BCL11A: variants seen among roughly 807,000 people sequenced by gnomAD.
The protein encoded by BCL11A is B cell CLL/lymphoma 11A.
In BCL11A, 2 loss-of-function variants were observed where a neutral mutation model predicts 55.9. The observed-to-expected ratio is 0.04, with a 90% CI of 0.01 to 0.11. BCL11A has a LOEUF of 0.11. BCL11A is among the 10% of genes least tolerant of loss of function. BCL11A has a pLI of 1.00. For synonymous variants in BCL11A, 465 were observed against 473.4 expected, an observed-to-expected ratio of 0.98 and a Z score of 0.23; for missense variants, 817 against 1,137.1, an observed-to-expected ratio of 0.72 and a Z score of 4.05.
chr2:60,468,568 G>A (rs1425799556), intron 3 of BCL11A, among the ~76,000 whole-genome samples, 164 bp downstream of exon 3: 3 of 152,200 alleles, frequency 2.0e-5, no homozygotes, highest in African/African-American at 7.2e-5. Flanking sequence ...GTCCCTCTGG[G>A]GCTGAGTGGA....
At chr2:60,516,540 T>A (rs1510481) in intron 2 of BCL11A, among the ~76,000 whole-genome samples, 57,861 of 152,078 alleles carry the variant, frequency 0.38, 11,688 homozygotes, top group African/African-American at 0.45. Flanking sequence ...AGATCGTAAC[T>A]CACCGTCATC....
At chr2:60,454,642 G>A (rs1675864094), downstream of BCL11A, among the ~76,000 whole-genome samples, 1 of 152,126 alleles carries the variant, frequency 6.6e-6, no homozygotes, top group African/African-American at 2.4e-5. Context: ...TCCTCCCTCA[G>A]TCTCTGTGAG....
chr2:60,495,727 C>G, intron 2 of BCL11A: 1 of 152,196 alleles, frequency 6.6e-6, no homozygotes, highest in South Asian at 2.1e-4. Context: ...TCAAAATATT[C>G]TCAATGGGCC....
At chr2:60,518,766 G>A (rs969679078) in intron 2 of BCL11A, among the ~76,000 whole-genome samples, 3 of 152,176 alleles carry the variant, frequency 2.0e-5, no homozygotes, top group Non-Finnish European at 4.4e-5. Flanking sequence ...ATTCCTGGGG[G>A]CCGGGCGTGG....
intron 2 of BCL11A, among the ~76,000 whole-genome samples, chr2:60,477,591 A>G (rs1359686708): frequency 7.5e-6 from 1 of 134,058 alleles, no homozygotes; most frequent in African/African-American, 2.8e-5. Context: ...CCCAGAACTT[A>G]GAGTAAAATA....
chr2:60,470,025 C>A (rs1020809334), intron 2 of BCL11A, among the ~76,000 whole-genome samples: 2 of 152,166 alleles, frequency 1.3e-5, no homozygotes, highest in African/African-American at 4.8e-5. Flanking sequence ...TAAAATACAT[C>A]CTGTTCTCCT....
intron 2 of BCL11A, among the ~76,000 whole-genome samples, chr2:60,506,735 T>C (rs1679619815): frequency 6.6e-6 from 1 of 152,234 alleles, no homozygotes; most frequent in Non-Finnish European, 1.5e-5. Flanking sequence ...ACGCCTGATA[T>C]ATATCCATTT....
At chr2:60,452,509 G>A, downstream of BCL11A, 1 of 1,310,882 alleles carries the variant, frequency 7.6e-7, no homozygotes, top group South Asian at 1.2e-5. Context: ...CTAGCAGGAT[G>A]ACAGACCACG....
intron 2 of BCL11A, among the ~76,000 whole-genome samples, chr2:60,524,274 T>G (rs1022497601): frequency 1.3e-5 from 2 of 152,204 alleles, no homozygotes; most frequent in African/African-American, 4.8e-5. Context: ...GAGAGAACAT[T>G]GGGCTATGAA....
chr2:60,497,832 A>G lies in BCL11A; in HGVS notation c.386-28999T>C, dbSNP rs148529953. On this transcript the variant is annotated intron_variant, in intron 2 of 3. Transcript: ENST00000642384. ...TTTCTCCCTTTGCTGATGATCCAGTAGAGAAATGATCAAAAGGATCCTGCA... is the reference window on the plus strand; with the variant it reads ...TTTCTCCCTTTGCTGATGATCCAGTGGAGAAATGATCAAAAGGATCCTGCA... Among the ~76,000 whole-genome samples, 588 of 152,228 alleles carry G rather than the reference A, an allele frequency of 3.9e-3. 6 individuals are homozygous for G. Among genetic ancestry groups the G allele is most frequent in the African/African-American group, 0.014 (568 of 41,528 alleles).
rs1010158797 is a variant in BCL11A at position 60,461,287 on chromosome 2, G to T, written c.1625C>A (p.Ala542Asp). The change falls in exon 4 of 4, where the codon GCC becomes GAC. Residue 542 changes from alanine to aspartate, a missense_variant. Coordinates refer to ENST00000642384, the MANE Select transcript of BCL11A (RefSeq NM_022893.4). ...CATGCCCTGCATGACGTCGGGCAGG[G>T]CGCGGCTCTCGTCGCCCACGCCCAC... ...AVVGVGDESR[A>D]LPDVMQGMVL... The T allele has an allele frequency of 6.2e-7, 1 of 1,604,106 alleles. No homozygotes were observed.
At chr2:60,543,952 C>A (rs1169647193) in intron 2 of BCL11A, 1 of 152,146 alleles carries the variant, frequency 6.6e-6, no homozygotes, top group Non-Finnish European at 1.5e-5. Flanking sequence ...AATAACAGAA[C>A]CTTTAGACAA....
At chr2:60,482,152 T>C (rs1677997280) in intron 2 of BCL11A, among the ~76,000 whole-genome samples, 1 of 152,180 alleles carries the variant, frequency 6.6e-6, no homozygotes, top group East Asian at 1.9e-4. Context: ...TTTGCATCTC[T>C]CATGATTCTA....
In BCL11A at chr2:60,460,217, A is replaced by G. The variant is rs913843373; in HGVS notation, c.*187T>C. On this transcript the variant is annotated 3_prime_UTR_variant, in exon 4 of 4. Coordinates refer to ENST00000642384, the MANE Select transcript of BCL11A (RefSeq NM_022893.4). Reference sequence around the variant, plus strand: ...AAAAAGAAAAAGAAAAAGAAAAAAAACAGGTGTGCTGGTGACAAGCACTCT... The same window carrying G: ...AAAAAGAAAAAGAAAAAGAAAAAAAGCAGGTGTGCTGGTGACAAGCACTCT... 32 of 1,312,610 alleles carry G rather than the reference A, an allele frequency of 2.4e-5. No individual in the cohort carries two copies. Among genetic ancestry groups the G allele is most frequent in the Middle Eastern group, 2.9e-4 (1 of 3,492 alleles). 81.3% of individuals were successfully genotyped at this position (1,312,610 alleles called of 1,614,324 possible).
chr2:60,525,490 T>C (rs576996984), intron 2 of BCL11A: 1 of 152,202 alleles, frequency 6.6e-6, no homozygotes, highest in Admixed American at 6.5e-5. Flanking sequence ...GCTTCCATCT[T>C]TGAGGCAAAT....
At chr2:60,497,107 C>G (rs1022182011) in intron 2 of BCL11A, among the ~76,000 whole-genome samples, 4 of 152,224 alleles carry the variant, frequency 2.6e-5, no homozygotes, top group Admixed American at 6.5e-5. Context: ...CCAACCAATT[C>G]TAATTCCCTT....
At chr2:60,551,749 T>G (rs1454899677) in intron 1 of BCL11A, among the ~76,000 whole-genome samples, 1 of 150,972 alleles carries the variant, frequency 6.6e-6, no homozygotes, top group East Asian at 1.9e-4. Context: ...AGACACTGCG[T>G]GGCCTGCCGC....
At chr2:60,545,809 A>G in intron 2 of BCL11A, 162 bp downstream of exon 2, 5 of 655,396 alleles carry the variant, frequency 7.6e-6, no homozygotes, top group Non-Finnish European at 1.1e-5. Flanking sequence ...TGTGTTCTGG[A>G]CGTAAGCAAC....
At chr2:60,541,892 A>C (rs1669940498) in intron 2 of BCL11A, 1 of 708,206 alleles carries the variant, frequency 1.4e-6, no homozygotes, top group Non-Finnish European at 2.6e-6. Flanking sequence ...TTACACCATA[A>C]GGTACACAAA....
Sources: allele counts gnomAD v4.1 joint callset (sites outside exome capture counted in the v4.1 genomes callset), GRCh38; gene constraint gnomAD v4.1.1; transcripts MANE v1.5; gene names NCBI Gene and HGNC (gene_info 2026-07-23, HGNC 2026-07-21).